RAB43: variants seen among roughly 807,000 people sequenced by gnomAD.
RAB43 encodes ras-related protein Rab-43.
Under a neutral mutation model 18.8 loss-of-function variants are expected in RAB43, and 6 were observed. That is an observed-to-expected ratio of 0.32 (90% CI 0.17 to 0.63). The LOEUF (loss-of-function observed/expected upper bound fraction) is 0.63, where lower values mean the gene tolerates loss of function less well. RAB43 is among the 30% of genes least tolerant of loss of function. The pLI, the probability that RAB43 is intolerant of heterozygous loss-of-function variation, is 0.79. For synonymous variants in RAB43, 103 were observed against 124.1 expected (o/e 0.83, Z 1.13); for missense variants, 195 against 289.1 (o/e 0.67, Z 2.36).
chr3:129,112,009 G>A (rs972404114), intron 1 of RAB43, among the ~76,000 whole-genome samples: 1 of 152,162 alleles, frequency 6.6e-6, no homozygotes, highest in African/African-American at 2.4e-5. Context: ...GCACTCCTGG[G>A]AGGCTGAGGC....
intron 2 of RAB43, among the ~76,000 whole-genome samples, chr3:129,093,035 G>A (rs1395470516): frequency 6.6e-6 from 1 of 151,928 alleles, no homozygotes; most frequent in African/African-American, 2.4e-5. Flanking sequence ...CTGTCGCATA[G>A]GCTGGAGGAC....
intron 1 of RAB43, among the ~76,000 whole-genome samples, chr3:129,112,783 C>T (rs544790032): frequency 6.6e-6 from 1 of 151,668 alleles, no homozygotes; most frequent in East Asian, 1.9e-4. Flanking sequence ...CAGGGTCTCA[C>T]TCTGTCACCC....
chr3:129,096,750 G>A (rs974356464), intron 1 of RAB43, among the ~76,000 whole-genome samples: 9 of 152,140 alleles, frequency 5.9e-5, no homozygotes. Flanking sequence ...CAACATCAGG[G>A]TTGGAAGATA....
chr3:129,115,437 G>A (rs1283347999), intron 1 of RAB43, among the ~76,000 whole-genome samples: 1 of 152,110 alleles, frequency 6.6e-6, no homozygotes, highest in Non-Finnish European at 1.5e-5. Flanking sequence ...CCAGGAGGCG[G>A]AGGTTGCAGT....
intron 1 of RAB43, among the ~76,000 whole-genome samples, chr3:129,109,458 C>T (rs1274340673): frequency 1.3e-5 from 2 of 148,548 alleles, no homozygotes; most frequent in Non-Finnish European, 3.0e-5. Flanking sequence ...GAGGTGTTGC[C>T]GGATGTAGTA....
At chr3:129,099,958 C>CA (rs761340105) in intron 1 of RAB43, among the ~76,000 whole-genome samples, 7 of 152,028 alleles carry the variant, frequency 4.6e-5, no homozygotes, top group Non-Finnish European at 8.8e-5. Flanking sequence ...GAAGAATACT[C>CA]AAAGAACTAA....
intron 1 of RAB43, among the ~76,000 whole-genome samples, chr3:129,112,904 C>A (rs780628845): frequency 7.9e-5 from 12 of 151,888 alleles, no homozygotes; most frequent in Non-Finnish European, 1.3e-4. Flanking sequence ...ACATGCATCA[C>A]CACACCTGGC....
rs375065574 is a variant in RAB43 at position 129,094,968 on chromosome 3, G to A, written c.388+18C>T. On this transcript the variant is annotated intron_variant, in intron 2 of 2. Transcript: ENST00000315150. ...GCAGAGTGATGGGATTTGTGGTCCC[G>A]AGGAATCCCCAACTCACCGATCAGC... 77 of 1,605,592 alleles carry A rather than the reference G, an allele frequency of 4.8e-5. No homozygotes were observed. Among genetic ancestry groups the A allele is most frequent in the Non-Finnish European group, 6.3e-5 (74 of 1,174,986 alleles).
At chr3:129,092,298 T>C (rs939681598) in intron 2 of RAB43, among the ~76,000 whole-genome samples, 1 of 152,256 alleles carries the variant, frequency 6.6e-6, no homozygotes, top group South Asian at 2.1e-4. Flanking sequence ...TGTTTTTAAG[T>C]GTTTAAATAT....
At chr3:129,114,727 A>C (rs1935410963) in intron 1 of RAB43, among the ~76,000 whole-genome samples, 1 of 152,206 alleles carries the variant, frequency 6.6e-6, no homozygotes, top group African/African-American at 2.4e-5. Context: ...CAAGGAAAGC[A>C]GACATGTGGA....
At chr3:129,113,328 T>A (rs1159068028) in intron 1 of RAB43, among the ~76,000 whole-genome samples, 1 of 151,890 alleles carries the variant, frequency 6.6e-6, no homozygotes, top group Non-Finnish European at 1.5e-5. Flanking sequence ...ACCATGCCCA[T>A]CTAATTTTTG....
At chr3:129,117,097 G>A (rs1006240499) in intron 1 of RAB43, among the ~76,000 whole-genome samples, 23 of 152,288 alleles carry the variant, frequency 1.5e-4, no homozygotes, top group African/African-American at 5.5e-4. Context: ...TCTTCTTAGA[G>A]GACACTGGGT....
intron 1 of RAB43, among the ~76,000 whole-genome samples, chr3:129,099,066 G>C (rs1288896705): frequency 1.3e-5 from 2 of 151,428 alleles, no homozygotes; most frequent in East Asian, 3.9e-4. Flanking sequence ...GAGCAAAACT[G>C]TCTCAAAAAA....
At chr3:129,121,144 G>T in intron 1 of RAB43, 142 bp downstream of exon 1, 1 of 706,956 alleles carries the variant, frequency 1.4e-6, no homozygotes, top group Non-Finnish European at 2.2e-6. Flanking sequence ...GCCCAGGCCT[G>T]CTCCGACCCG....
rs374409461 is a variant in RAB43, at chr3:129,098,301, C to T, written c.205-3132G>A. Among the ~76,000 whole-genome samples the T allele has an allele frequency of 5.9e-5, 9 of 152,276 alleles. No homozygotes were observed. The East Asian group carries it at 1.7e-3, about 29-fold the overall frequency. ...CTTGGGTTTGGAGGTTGAGTTCTGC[C>T]ACATTAGCGAGGCTCAGAAACACCT... On this transcript the variant is annotated intron_variant, in intron 1 of 2. Transcript: ENST00000315150.
chr3:129,114,702 C>G (rs954078478), intron 1 of RAB43, among the ~76,000 whole-genome samples: 5 of 152,082 alleles, frequency 3.3e-5, no homozygotes, highest in Admixed American at 3.3e-4. Context: ...GGCTAAACAA[C>G]GAACAAGAGG....
chr3:129,107,866 C>T lies in RAB43; in HGVS notation c.205-12697G>A, dbSNP rs1934885353. Among the ~76,000 whole-genome samples, 1 of 152,128 alleles carries T rather than the reference C, an allele frequency of 6.6e-6. No homozygotes were observed. Among genetic ancestry groups the T allele is most frequent in the Non-Finnish European group, 1.5e-5 (1 of 68,018 alleles). ...TGGCCCAGACTGGCCTCACGAGTCC[C>T]TCACCCTCACCCTCCAAGCCACTCG... is the stretch of plus-strand genomic sequence containing the variant. On this transcript the variant is annotated intron_variant, in intron 1 of 2. Coordinates refer to ENST00000315150, the MANE Select transcript of RAB43 (RefSeq NM_198490.3). This position sits in a 1 kb window ranked among gnomAD's most constrained non-coding sequence, Gnocchi z 4.2.
At position 129,121,606 on chromosome 3, in the gene RAB43, C is replaced by T. The variant is rs1289203221; in HGVS notation, c.-117G>A. The T allele has an allele frequency of 1.5e-5, 12 of 799,972 alleles. No homozygotes were observed. The highest frequency in any genetic ancestry group is 1.2e-4 in the East Asian group (4 of 32,696). 49.6% of individuals were successfully genotyped at this position (799,972 alleles called of 1,614,324 possible). ...CACGGGCCGCCTGGCTACGTGGAGC[C>T]GCCGCAACACCTGAACCCCCAGCAC... On this transcript the variant is annotated 5_prime_UTR_variant, in exon 1 of 3. Coordinates refer to ENST00000315150, the MANE Select transcript of RAB43 (RefSeq NM_198490.3).
In RAB43 at chr3:129,095,276, G is replaced by T; in HGVS notation, c.205-107C>A. ...CCAGAGCTGTGGTTCCACTGGGCTA[G>T]GAGGCCTTCTGAGTCCTTAGAAAGC... On this transcript the variant is annotated intron_variant, in intron 1 of 2. Coordinates refer to ENST00000315150, the MANE Select transcript of RAB43 (RefSeq NM_198490.3). This position sits in a 1 kb window ranked among gnomAD's most constrained non-coding sequence, Gnocchi z 4.2. 1 of 1,452,038 alleles carries T rather than the reference G, an allele frequency of 6.9e-7. No individual in the cohort carries two copies. Among genetic ancestry groups the T allele is most frequent in the Non-Finnish European group, 9.2e-7 (1 of 1,091,524 alleles). The allele number at this position is 1,452,038 out of a possible 1,614,324, so 89.9% of individuals were successfully genotyped here. A position where few individuals can be genotyped will look rare whatever the true frequency, so the allele number is the denominator to read the frequency against.
Sources: allele counts gnomAD v4.1 joint callset (sites outside exome capture counted in the v4.1 genomes callset), GRCh38; gene constraint gnomAD v4.1.1; non-coding constraint Gnocchi (gnomAD v3.1); transcripts MANE v1.5; gene names NCBI Gene and HGNC (gene_info 2026-07-23, HGNC 2026-07-21).